The following MECOM variants were observed in gnomAD, a reference collection of about 807,000 sequenced individuals.
MECOM encodes the protein MDS1 and EVI1 complex locus.
In MECOM, 13 loss-of-function variants were observed where a neutral mutation model predicts 116.3. That is an observed-to-expected ratio of 0.11 (90% CI 0.07 to 0.18). The LOEUF is 0.18. Among genes scored for constraint, MECOM ranks in the 10% least tolerant of loss-of-function variants. The pLI is 1.00. For missense variants in MECOM, 1,299 were observed against 1,509.0 expected (o/e 0.86, Z 2.31); for synonymous variants, 528 against 535.2 (o/e 0.99, Z 0.19).
chr3:169,154,281 C>A (rs575461621), intron 2 of MECOM, among the ~76,000 whole-genome samples: 2 of 152,198 alleles, frequency 1.3e-5, no homozygotes, highest in East Asian at 3.9e-4. Flanking sequence ...TTACCAAGGC[C>A]AGGAAATTTA....
chr3:169,141,918 C>G (rs1294149691), intron 3 of MECOM, among the ~76,000 whole-genome samples: 1 of 151,862 alleles, frequency 6.6e-6, no homozygotes, highest in Non-Finnish European at 1.5e-5. Flanking sequence ...TGTCTGTTTT[C>G]CCAGATTAAG....
At chr3:169,574,828 A>T (rs866373845) in intron 1 of MECOM, among the ~76,000 whole-genome samples, 1 of 125,900 alleles carries the variant, frequency 7.9e-6, no homozygotes, top group African/African-American at 4.4e-5. Context: ...TGTATTTATA[A>T]AAAAAAAAAA....
At chr3:169,262,159 A>G (rs1354101385) in intron 2 of MECOM, among the ~76,000 whole-genome samples, 3 of 152,224 alleles carry the variant, frequency 2.0e-5, no homozygotes, top group Non-Finnish European at 4.4e-5. Flanking sequence ...CCTGATTTTT[A>G]AAATAAAGCT....
At chr3:169,301,483 G>C (rs916037621) in intron 2 of MECOM, among the ~76,000 whole-genome samples, 1 of 152,176 alleles carries the variant, frequency 6.6e-6, no homozygotes, top group Non-Finnish European at 1.5e-5. Flanking sequence ...AACAATAGTG[G>C]CATGTCCTAT....
At chr3:169,507,951 C>T (rs1755486366) in intron 1 of MECOM, among the ~76,000 whole-genome samples, 1 of 152,088 alleles carries the variant, frequency 6.6e-6, no homozygotes, top group South Asian at 2.1e-4. Context: ...TGAGCCACCG[C>T]GCCCGGCCCC....
At chr3:169,095,337 A>G (rs1721126512) in intron 12 of MECOM, 92 bp from the exon 13 acceptor site, 1 of 1,039,112 alleles carries the variant, frequency 9.6e-7, no homozygotes, top group East Asian at 2.6e-5. Context: ...ATCTCCACTC[A>G]TAAAACAACA....
chr3:169,479,264 G>C (rs182979549), intron 1 of MECOM, among the ~76,000 whole-genome samples: 3 of 128,646 alleles, frequency 2.3e-5, no homozygotes, highest in African/African-American at 9.2e-5. Context: ...CATAGATAGG[G>C]ATGTGAGTGT....
At chr3:169,568,360 C>T (rs1055784496) in intron 1 of MECOM, among the ~76,000 whole-genome samples, 25 of 152,008 alleles carry the variant, frequency 1.6e-4, no homozygotes, top group Non-Finnish European at 1.3e-4. Flanking sequence ...CTGGAACCTC[C>T]GAGACAGAAC....
intron 2 of MECOM, among the ~76,000 whole-genome samples, chr3:169,335,509 A>C (rs1723453368): frequency 6.6e-6 from 1 of 152,124 alleles, no homozygotes; most frequent in South Asian, 2.1e-4. Flanking sequence ...AACTTTTACG[A>C]AATGGGCAAA....
At chr3:169,405,934 G>C (rs973717541) in intron 1 of MECOM, among the ~76,000 whole-genome samples, 1 of 152,192 alleles carries the variant, frequency 6.6e-6, no homozygotes, top group East Asian at 1.9e-4. Flanking sequence ...GCATAAGAAT[G>C]AGAAAATGCC....
At chr3:169,241,465 C>CA (rs762145176) in intron 2 of MECOM, among the ~76,000 whole-genome samples, 25 of 152,166 alleles carry the variant, frequency 1.6e-4, no homozygotes, top group Middle Eastern at 6.8e-3. Context: ...ACAATAACAC[C>CA]AGGTATAAAG....
chr3:169,571,429 T>C (rs991852289), intron 1 of MECOM, among the ~76,000 whole-genome samples: 1 of 152,192 alleles, frequency 6.6e-6, no homozygotes, highest in Non-Finnish European at 1.5e-5. Flanking sequence ...AAGTAATTTA[T>C]AGATTCAATG....
rs71166260 is a variant in MECOM, at chr3:169,663,474, GTCTCTCTCTCTCTCTCTCTCTCTC to G, written c.-126_-103del. The G allele has an allele frequency of 1.7e-4, 98 of 569,406 alleles. No individual in the cohort carries two copies. Among genetic ancestry groups the G allele is most frequent in the South Asian group, 7.2e-4 (23 of 32,084 alleles). The allele number at this position is 569,406 out of a possible 1,614,324, so 35.3% of individuals were successfully genotyped here. A position where few individuals can be genotyped will look rare whatever the true frequency, so the allele number is the denominator to read the frequency against. ...CTCTCGCTCCCTCCCTCTCTCTCCT[GTCTCTCTCTCTCTCTCTCTCTCTC>G]TCTCTCTCTCTCTCTCTCTCTCTCT... On this transcript the variant is annotated 5_prime_UTR_variant, in exon 1 of 17. Coordinates refer to ENST00000651503, the MANE Select transcript of MECOM (RefSeq NM_004991.4).
At chr3:169,594,170 A>AAAAAAAAAAAACC (rs1553894632) in intron 1 of MECOM, among the ~76,000 whole-genome samples, 11 of 119,414 alleles carry the variant, frequency 9.2e-5, no homozygotes, top group African/African-American at 4.3e-4. Context: ...AAAAAAAAAA[A>AAAAAAAAAAAACC]AAAAAACACC....
intron 1 of MECOM, among the ~76,000 whole-genome samples, chr3:169,456,430 C>T (rs1271375123): frequency 1.3e-5 from 2 of 152,110 alleles, no homozygotes; most frequent in Admixed American, 6.5e-5. Flanking sequence ...AAGTCAGTAA[C>T]AGTATATTTT....
intron 2 of MECOM, among the ~76,000 whole-genome samples, chr3:169,195,252 G>T (rs762259427): frequency 1.3e-5 from 2 of 152,066 alleles, no homozygotes; most frequent in African/African-American, 2.4e-5. Flanking sequence ...AAATGAGCCT[G>T]CTGTCCAGGT....
At chr3:169,613,010 C>A (rs1424890603) in intron 1 of MECOM, among the ~76,000 whole-genome samples, 1 of 152,224 alleles carries the variant, frequency 6.6e-6, no homozygotes, top group Non-Finnish European at 1.5e-5. Context: ...AGTCCTTTGA[C>A]TTTCCCCAGG....
intron 1 of MECOM, among the ~76,000 whole-genome samples, chr3:169,582,536 G>T (rs1457704658): frequency 6.6e-6 from 1 of 152,106 alleles, no homozygotes; most frequent in African/African-American, 2.4e-5. Context: ...AGTTTATCCT[G>T]TCAAACTGTG....
intron 1 of MECOM, among the ~76,000 whole-genome samples, chr3:169,423,006 G>A (rs1740024486): frequency 6.6e-6 from 1 of 151,874 alleles, no homozygotes; most frequent in Non-Finnish European, 1.5e-5. Flanking sequence ...ACTAAATTGG[G>A]GTCATGTGTC....
Sources: allele counts gnomAD v4.1 joint callset (sites outside exome capture counted in the v4.1 genomes callset), GRCh38; gene constraint gnomAD v4.1.1; transcripts MANE v1.5; gene names NCBI Gene and HGNC (gene_info 2026-07-23, HGNC 2026-07-21).